The following MIPEP variants were observed in gnomAD, a reference collection of about 807,000 sequenced individuals.
MIPEP encodes the protein mitochondrial intermediate peptidase.
Under a neutral mutation model 90.3 loss-of-function variants are expected in MIPEP, and 79 were observed. The ratio of observed to expected loss-of-function variants is 0.87; its 90% CI spans 0.73 to 1.05. The LOEUF is 1.05. Among genes scored for constraint, MIPEP ranks in the 50% least tolerant of loss-of-function variants. The pLI is 0.00. For missense variants in MIPEP, 940 were observed against 905.6 expected (o/e 1.04, Z -0.49); for synonymous variants, 334 against 315.8 (o/e 1.06, Z -0.61).
chr13:23,809,926 T>A lies in MIPEP; in HGVS notation c.1654-2A>T. The stretch of plus-strand genomic sequence containing the variant: ...AGACACCATATTTTTTGGCAGTGGC[T>A]TGATAAAACAAAAGAATATATATGT... On this transcript the variant is annotated splice_acceptor_variant, in intron 14 of 18. Transcript: ENST00000382172. LOFTEE classifies it high-confidence loss of function. 6.2e-7 allele frequency: 1 copy of A among 1,609,206 alleles called. No individual in the cohort carries two copies. The highest frequency in any genetic ancestry group is 8.5e-7 in the Non-Finnish European group (1 of 1,175,854).
In MIPEP at chr13:23,846,667, C is replaced by T. The variant is rs574703068; in HGVS notation, c.1107-5179G>A. Among the ~76,000 whole-genome samples the T allele has an allele frequency of 3.3e-5, 5 of 152,242 alleles. No individual in the cohort carries two copies. In the South Asian group the frequency reaches 6.2e-4, roughly 19 times the overall value. ...AAACAAAATTTTAACTGTATTTTCA[C>T]GACAATCTGTCACATGAGATCCACT... is the stretch of plus-strand genomic sequence containing the variant. On this transcript the variant is annotated intron_variant, in intron 10 of 18. Transcript: ENST00000382172.
At chr13:23,885,503 T>C (rs1871436613) in intron 2 of MIPEP, among the ~76,000 whole-genome samples, 1 of 152,110 alleles carries the variant, frequency 6.6e-6, no homozygotes, top group Non-Finnish European at 1.5e-5. Flanking sequence ...TACCCCATTT[T>C]CCCTGATGTA....
chr13:23,886,321 AAAGCACCTTAC>A lies in MIPEP; in HGVS notation c.363+1_363+11del, dbSNP rs759458492. 7.4e-6 allele frequency: 11 copies of A among 1,495,702 alleles called. No individual in the cohort carries two copies. The South Asian group carries it at 1.4e-4, about 19-fold the overall frequency. The allele number at this position is 1,495,702 out of a possible 1,614,324, so 92.7% of individuals were successfully genotyped here. On this transcript the variant is annotated splice_donor_variant and splice_donor_5th_base_variant and intron_variant, in intron 2 of 18. Transcript: ENST00000382172. LOFTEE classifies it high-confidence loss of function. ...AGAGAGGTAGCTTCAAGTCTGAGGTAAAGCACCTTACCAAGTCGGCCACTCTGCATAAGGAA... is the reference window on the plus strand; with the variant it reads ...AGAGAGGTAGCTTCAAGTCTGAGGTACAAGTCGGCCACTCTGCATAAGGAA...
intron 16 of MIPEP, 116 bp downstream of exon 16, chr13:23,805,834 A>G: frequency 9.1e-7 from 1 of 1,094,162 alleles, no homozygotes; most frequent in Non-Finnish European, 1.3e-6. Flanking sequence ...AGCCATGTGA[A>G]GCCTCAACAT....
At chr13:23,753,235 A>T (rs34963762) in intron 18 of MIPEP, among the ~76,000 whole-genome samples, 35,039 of 147,604 alleles carry the variant, frequency 0.24, 4,454 homozygotes, top group Middle Eastern at 0.29. Flanking sequence ...AAAAAAAAAA[A>T]AAAAATAATA....
intron 16 of MIPEP, chr13:23,760,693 C>A: frequency 6.7e-6 from 3 of 450,746 alleles, no homozygotes; most frequent in Non-Finnish European, 9.1e-6. Context: ...GTTGTTTAAG[C>A]CACATAGTCT....
chr13:23,788,045 T>C (rs1295958602), intron 16 of MIPEP, among the ~76,000 whole-genome samples: 1 of 152,144 alleles, frequency 6.6e-6, no homozygotes, highest in Non-Finnish European at 1.5e-5. Context: ...TGTTTGTGTG[T>C]TTCCTCTTCT....
intron 5 of MIPEP, among the ~76,000 whole-genome samples, chr13:23,871,438 T>C (rs951417049): frequency 2.0e-5 from 3 of 152,064 alleles, no homozygotes; most frequent in African/African-American, 7.2e-5. Flanking sequence ...TATTGGTTAC[T>C]CAAAAACTAG....
chr13:23,753,756 A>C (rs1952464707), intron 18 of MIPEP, among the ~76,000 whole-genome samples: 1 of 152,224 alleles, frequency 6.6e-6, no homozygotes, highest in Admixed American at 6.5e-5. Context: ...CTCTGAGCAG[A>C]GCCCTGTTCC....
At position 23,879,277 on chromosome 13, in the gene MIPEP, G is replaced by A. The variant is rs760059224; in HGVS notation, c.530C>T (p.Pro177Leu). 1 of 1,597,000 alleles carries A rather than the reference G, an allele frequency of 6.3e-7. No homozygotes were observed. Among genetic ancestry groups the A allele is most frequent in the South Asian group, 1.1e-5 (1 of 90,274 alleles). The change falls in exon 4 of 19, where the codon CCA (proline) becomes CTA (leucine). Residue 177 changes from proline (P) to leucine (L), a missense_variant. Coordinates refer to ENST00000382172, the MANE Select transcript of MIPEP (RefSeq NM_005932.4). The stretch of plus-strand genomic sequence containing the variant: ...AGAAATGAGTGAGTACCTTGTTTCT[G>A]GATCAAGGGAATCCACAAGTTTTTT... ...ADKKLVDSLD[P>L]ETRRVAELFM...
chr13:23,828,779 C>G (rs994330992), intron 14 of MIPEP, among the ~76,000 whole-genome samples: 1 of 152,082 alleles, frequency 6.6e-6, no homozygotes, highest in Non-Finnish European at 1.5e-5. Context: ...CAAACTCTTA[C>G]CAGAATTTTT....
chr13:23,785,172 A>C (rs1225228059), intron 16 of MIPEP, among the ~76,000 whole-genome samples: 1 of 152,346 alleles, frequency 6.6e-6, no homozygotes, highest in East Asian at 1.9e-4. Flanking sequence ...TCATGCTTCT[A>C]TAAAGGCACT....
intron 16 of MIPEP, among the ~76,000 whole-genome samples, chr13:23,797,266 A>G (rs1172729836): frequency 6.6e-6 from 1 of 151,966 alleles, no homozygotes; most frequent in Non-Finnish European, 1.5e-5. Context: ...TAGTACCTTC[A>G]CTAGACTAAT....
At chr13:23,849,041 A>C (rs2137477679) in intron 10 of MIPEP, among the ~76,000 whole-genome samples, 1 of 152,270 alleles carries the variant, frequency 6.6e-6, no homozygotes, top group African/African-American at 2.4e-5. Context: ...ACGGAGTGAA[A>C]AAACATGCAC....
At chr13:23,756,490 G>T (rs1952492339) in intron 18 of MIPEP, 55 bp downstream of exon 18, 2 of 1,541,028 alleles carry the variant, frequency 1.3e-6, no homozygotes. Flanking sequence ...AAAACATATG[G>T]AGAAAACATA....
At chr13:23,816,959 A>G (rs111392225) in intron 14 of MIPEP, among the ~76,000 whole-genome samples, 15,398 of 152,158 alleles carry the variant, frequency 0.1, 994 homozygotes, top group Non-Finnish European at 0.14. Context: ...ACGGCAGTCA[A>G]CCTTTCCACC....
At position 23,886,374 on chromosome 13, in the gene MIPEP, A is replaced by C; in HGVS notation, c.322T>G (p.Phe108Val). ...TPPGPQTVLI[F>V]DELSDSLCRV... ...CATAAGGAATCCGAGAGCTCATCGA[A>C]GATCAGCACGGTCTGGGGCCCAGGT... The change falls in exon 2 of 19, where the codon TTC becomes GTC. Residue 108 changes from phenylalanine (F) to valine (V), a missense_variant. By Grantham distance (50) the Phe-to-Val change is conservative (BLOSUM62 -1). Transcript: ENST00000382172. 6.2e-7 allele frequency: 1 copy of C among 1,601,720 alleles called. No homozygotes were observed. The highest frequency in any genetic ancestry group is 8.5e-7 in the Non-Finnish European group (1 of 1,173,766).
chr13:23,889,101 G>T (rs996306908), intron 1 of MIPEP, 31 bp downstream of exon 1: 1 of 1,386,286 alleles, frequency 7.2e-7, no homozygotes. Context: ...TTAGCTCGGG[G>T]ACTGAGGGGA....
chr13:23,782,038 C>A (rs1343149413), intron 16 of MIPEP, among the ~76,000 whole-genome samples: 7 of 152,200 alleles, frequency 4.6e-5, no homozygotes, highest in African/African-American at 1.4e-4. Flanking sequence ...CAACATTAGA[C>A]AGATCAACAA....
Sources: gnomAD v4.1 joint callset for allele counts (sites outside exome capture counted in the v4.1 genomes callset) on GRCh38, gnomAD v4.1.1 for gene constraint, MANE v1.5 for transcripts, NCBI Gene and HGNC (gene_info 2026-07-23, HGNC 2026-07-21) for gene names.